Variants in COL4A5 observed in about 807,000 individuals in gnomAD.
COL4A5 encodes collagen alpha-5(IV) chain.
A neutral mutation model predicts 130.2 loss-of-function variants in COL4A5; 26 were observed. The observed-to-expected ratio is 0.20, with a 90% CI of 0.15 to 0.28. The LOEUF is 0.28. COL4A5 is among the 10% of genes least tolerant of loss of function. COL4A5 has a pLI of 1.00. For synonymous variants in COL4A5, 496 were observed against 439.6 expected (o/e 1.13, Z -1.60); for missense variants, 1,131 against 1,344.3 (o/e 0.84, Z 2.48).
At chrX:108,546,283 A>G (rs1053476494) in intron 2 of COL4A5, among the ~76,000 whole-genome samples, 3 of 111,438 alleles carry the variant, frequency 2.7e-5, no homozygotes, top group Non-Finnish European at 5.6e-5. Context: ...TTCCTTCAGG[A>G]GCTCTTGTAA....
At chrX:108,508,065 G>A (rs2065143396) in intron 1 of COL4A5, among the ~76,000 whole-genome samples, 1 of 111,148 alleles carries the variant, frequency 9.0e-6, no homozygotes, top group Non-Finnish European at 1.9e-5. Context: ...AAGAAATAAA[G>A]GGCATCCAAA....
chrX:108,602,925 T>C (rs765202567), intron 27 of COL4A5, 39 bp from the exon 28 acceptor site: 1 of 978,361 alleles, frequency 1.0e-6, no homozygotes. Context: ...TTAAAGTGCC[T>C]TTCCTTTGGT....
intron 45 of COL4A5, 34 bp from the exon 46 acceptor site, chrX:108,680,851 C>T (rs1407938779): frequency 8.3e-7 from 1 of 1,199,164 alleles, no homozygotes. Context: ...AGCCCTGTTG[C>T]TTTGCCATAA....
At chrX:108,492,772 T>C (rs1411613644) in intron 1 of COL4A5, among the ~76,000 whole-genome samples, 1 of 111,901 alleles carries the variant, frequency 8.9e-6, no homozygotes, top group Non-Finnish European at 1.9e-5. Context: ...TCATTTTATC[T>C]TGTGATATAT....
intron 1 of COL4A5, among the ~76,000 whole-genome samples, chrX:108,535,154 A>G (rs1226912414): frequency 9.0e-6 from 1 of 111,025 alleles, no homozygotes; most frequent in African/African-American, 3.3e-5. Flanking sequence ...TTACTTCTAG[A>G]ATTTATATTT....
chrX:108,481,970 A>G (rs1401211748), intron 1 of COL4A5, among the ~76,000 whole-genome samples: 4 of 111,455 alleles, frequency 3.6e-5, no homozygotes, highest in Non-Finnish European at 7.5e-5. Context: ...ACCAAGGGAG[A>G]TCAGGCATTT....
At chrX:108,625,924 T>A (rs2067145174) in intron 35 of COL4A5, 130 bp downstream of exon 35, 1 of 531,399 alleles carries the variant, frequency 1.9e-6, no homozygotes, top group Non-Finnish European at 3.2e-6. Context: ...AATCAGTGGG[T>A]AGTGTTCTCT....
At chrX:108,527,940 T>C (rs1247274411) in intron 1 of COL4A5, among the ~76,000 whole-genome samples, 2 of 111,324 alleles carry the variant, frequency 1.8e-5, no homozygotes, top group Non-Finnish European at 3.8e-5. Flanking sequence ...ACCCAGACAA[T>C]TGTCCGTCCA....
At chrX:108,557,881 T>C (rs1023288182) in intron 2 of COL4A5, among the ~76,000 whole-genome samples, 2 of 110,476 alleles carry the variant, frequency 1.8e-5, no homozygotes, top group Non-Finnish European at 3.8e-5. Flanking sequence ...TGTAACCCTG[T>C]AGTTGGGAGC....
chrX:108,625,373 TTA>T (rs1389776537), intron 34 of COL4A5, among the ~76,000 whole-genome samples: 1 of 112,411 alleles, frequency 8.9e-6, no homozygotes, highest in Non-Finnish European at 1.9e-5. Flanking sequence ...TATATTGGAT[TTA>T]TCTGTGAAAA....
chrX:108,605,585 G>T (rs996809615), intron 28 of COL4A5, among the ~76,000 whole-genome samples: 1 of 112,117 alleles, frequency 8.9e-6, no homozygotes, highest in African/African-American at 3.2e-5. Flanking sequence ...GTGAGCACAT[G>T]CTATAGGAAA....
In COL4A5 at chrX:108,607,030, A is replaced by C. The variant is rs1161170992; in HGVS notation, c.2395+138A>C. ...TCTGTTACTGCTACACATTTTTTTC[A>C]ATCCTTCATTGATTATTTTTGTCTT... On this transcript the variant is annotated intron_variant, in intron 29 of 52. Coordinates refer to ENST00000328300, the MANE Select transcript of COL4A5 (RefSeq NM_033380.3). 4 of 628,291 alleles carry C rather than the reference A, an allele frequency of 6.4e-6. No homozygotes were observed. In the African/African-American group the frequency reaches 8.9e-5, roughly 14 times the overall value. The allele number at this position is 628,291 out of a possible 1,213,427, so 51.8% of individuals were successfully genotyped here. A position where few individuals can be genotyped will look rare whatever the true frequency, so the allele number is the denominator to read the frequency against.
chrX:108,577,584 G>A (rs1327887586), intron 10 of COL4A5, among the ~76,000 whole-genome samples: 1 of 111,153 alleles, frequency 9.0e-6, no homozygotes, highest in African/African-American at 3.3e-5. Context: ...ATGCTTTTTA[G>A]AACTTGAGAG....
intron 40 of COL4A5, 86 bp from the exon 41 acceptor site, chrX:108,668,233 T>G: frequency 1.1e-6 from 1 of 884,532 alleles, no homozygotes; most frequent in Non-Finnish European, 1.7e-6. Flanking sequence ...TTCCATTAAT[T>G]GCCCTAATGT....
At chrX:108,520,080 A>T (rs956314788) in intron 1 of COL4A5, among the ~76,000 whole-genome samples, 5 of 110,676 alleles carry the variant, frequency 4.5e-5, no homozygotes, top group African/African-American at 1.6e-4. Flanking sequence ...TTTATTTAAT[A>T]TTTTTGCATC....
At chrX:108,446,912 C>G (rs1236342147) in intron 1 of COL4A5, among the ~76,000 whole-genome samples, 1 of 111,566 alleles carries the variant, frequency 9.0e-6, no homozygotes, top group African/African-American at 3.3e-5. Context: ...GCCGTTCATC[C>G]TTAAGGGCTT....
At chrX:108,486,354 G>A (rs982999798) in intron 1 of COL4A5, among the ~76,000 whole-genome samples, 2 of 111,251 alleles carry the variant, frequency 1.8e-5, no homozygotes, top group Non-Finnish European at 3.8e-5. Context: ...TGTTCAGGGC[G>A]GGGATGATCA....
Position 108,452,832 on chromosome X carries a change from A to G in COL4A5, c.81+12626A>G, listed in dbSNP as rs77411795. 4.5e-5 allele frequency among the ~76,000 whole-genome samples: 5 copies of G among 111,115 alleles called. No individual in the cohort carries two copies. In the South Asian group the frequency reaches 1.9e-3, roughly 43 times the overall value. Reference sequence around the variant, plus strand: ...TACCCTTTATTTCCTTCTCCTGCCTAATTGCCCTGGCCAGAACTTCCAACA... The same window carrying G: ...TACCCTTTATTTCCTTCTCCTGCCTGATTGCCCTGGCCAGAACTTCCAACA... On this transcript the variant is annotated intron_variant, in intron 1 of 52. Coordinates refer to ENST00000328300, the MANE Select transcript of COL4A5 (RefSeq NM_033380.3).
intron 49 of COL4A5, chrX:108,690,119 T>C: frequency 2.0e-6 from 1 of 504,679 alleles, no homozygotes; most frequent in Non-Finnish European, 2.4e-6. Context: ...CATTGTCTAA[T>C]TTAATTTACA....
Sources: allele counts gnomAD v4.1 joint callset (sites outside exome capture counted in the v4.1 genomes callset), GRCh38; gene constraint gnomAD v4.1.1; transcripts MANE v1.5; gene names NCBI Gene and HGNC (gene_info 2026-07-23, HGNC 2026-07-21).